Variants in HTT observed in about 807,000 individuals in gnomAD.
The protein encoded by HTT is huntington disease protein.
In HTT, 104 loss-of-function variants were observed where a neutral mutation model predicts 362.3. That is an observed-to-expected ratio of 0.29 (90% CI 0.24 to 0.34). HTT has a LOEUF of 0.34. HTT is among the 10% of genes least tolerant of loss of function. HTT has a pLI of 1.00. For missense variants in HTT, 3,301 were observed against 3,928.6 expected, an observed-to-expected ratio of 0.84 and a Z score of 4.27; for synonymous variants, 1,577 against 1,548.7, an observed-to-expected ratio of 1.02 and a Z score of -0.43.
chr4:3,227,001 A>C (rs533157014), intron 57 of HTT, among the ~76,000 whole-genome samples: 33 of 152,304 alleles, frequency 2.2e-4, no homozygotes, highest in Admixed American at 1.9e-3. Flanking sequence ...TTTTTCATGA[A>C]AGTGTTTCTG....
intron 52 of HTT, among the ~76,000 whole-genome samples, chr4:3,219,691 A>T (rs1003620733): frequency 2.6e-5 from 4 of 152,202 alleles, no homozygotes; most frequent in African/African-American, 9.6e-5. Flanking sequence ...GAACAGCATC[A>T]AGCCTGCCTC....
intron 26 of HTT, among the ~76,000 whole-genome samples, chr4:3,150,401 G>A (rs1256233623): frequency 6.6e-6 from 1 of 152,184 alleles, no homozygotes; most frequent in African/African-American, 2.4e-5. Context: ...CCTGTCTTCA[G>A]TGTCTAGATG....
rs554564238 is a variant in HTT at position 3,230,868 on chromosome 4, A to G, written c.8265+826A>G. On this transcript the variant is annotated intron_variant, in intron 60 of 66. Transcript: ENST00000355072. ...ACTGTGGCACTGCAAATTAGGTGTC[A>G]GTGTAGGAGTTTCAGGAGGGATAGA... Among the ~76,000 whole-genome samples, 4 of 152,314 alleles carry G rather than the reference A, an allele frequency of 2.6e-5. No individual in the cohort carries two copies. The East Asian group carries it at 7.7e-4, about 29-fold the overall frequency.
intron 35 of HTT, among the ~76,000 whole-genome samples, chr4:3,179,976 T>TA (rs1343661080): frequency 2.0e-5 from 3 of 152,188 alleles, no homozygotes; most frequent in African/African-American, 7.2e-5. Flanking sequence ...TATATTTTTT[T>TA]ATATGTGGTC....
chr4:3,197,998 C>T (rs1719337139), intron 40 of HTT, among the ~76,000 whole-genome samples: 2 of 152,122 alleles, frequency 1.3e-5, no homozygotes, highest in South Asian at 2.1e-4. Flanking sequence ...CAATGCTGAC[C>T]AGGAAGCAAG....
intron 21 of HTT, among the ~76,000 whole-genome samples, chr4:3,139,329 C>G (rs1716227413): frequency 6.6e-6 from 1 of 152,202 alleles, no homozygotes; most frequent in Non-Finnish European, 1.5e-5. Context: ...TCCCAAGTAG[C>G]TGGGATTACA....
chr4:3,149,382 C>T (rs529835982), intron 26 of HTT, among the ~76,000 whole-genome samples: 6 of 145,934 alleles, frequency 4.1e-5, no homozygotes, highest in Admixed American at 2.1e-4. Context: ...ACTGCAACTT[C>T]TGCCTCCTGG....
chr4:3,199,634 G>C, intron 40 of HTT, 98 bp from the exon 41 acceptor site: 1 of 1,045,710 alleles, frequency 9.6e-7, no homozygotes, highest in African/African-American at 1.6e-5. Flanking sequence ...TATGGGAGAC[G>C]ACTCAGCCTG....
intron 20 of HTT, 40 bp downstream of exon 20, chr4:3,136,007 A>T: frequency 7.3e-7 from 1 of 1,378,450 alleles, no homozygotes; most frequent in Non-Finnish European, 1.0e-6. Context: ...TTTACCTTCA[A>T]GAAGGTGAAA....
chr4:3,187,962 T>C (rs1435020717), intron 39 of HTT, 76 bp downstream of exon 39: 4 of 811,352 alleles, frequency 4.9e-6, no homozygotes, highest in Non-Finnish European at 4.0e-6. Context: ...TCAGTAAGTC[T>C]GGAATAATAC....
Position 3,235,744 on chromosome 4 carries a change from G to T in HTT, c.8751G>T (p.Ala2917=), listed in dbSNP as rs373215539. 2.7e-5 allele frequency: 43 copies of T among 1,611,186 alleles called. No homozygotes were observed. Among genetic ancestry groups the T allele is most frequent in the Non-Finnish European group, 3.0e-5 (35 of 1,179,976 alleles). ...TGCACAGCCCGCACCGGGCCATGGC[G>T]GCTCTGGGCCTGATGCTCACCTGCA... ...VNVHSPHRAM[A]ALGLMLTCMY... The change falls in exon 63 of 67, where the codon GCG becomes GCT. Residue 2917 remains alanine (A), a synonymous_variant. Coordinates refer to ENST00000355072, the MANE Select transcript of HTT (RefSeq NM_001388492.1).
At chr4:3,082,195 T>A (rs567056650) in intron 1 of HTT, among the ~76,000 whole-genome samples, 35 of 152,226 alleles carry the variant, frequency 2.3e-4, no homozygotes, top group Non-Finnish European at 4.7e-4. Context: ...CTATGTAATA[T>A]TTTAGAATTT....
chr4:3,225,749 T>C lies in HTT; in HGVS notation c.7848+6T>C. On this transcript the variant is annotated splice_donor_region_variant and intron_variant, in intron 57 of 66. Coordinates refer to ENST00000355072, the MANE Select transcript of HTT (RefSeq NM_001388492.1). ...TGAGCTACAAACTCGGCCAGGTCAG[T>C]CTCGCGCCCCCGCCGCCTGGCCTCT... The C allele has an allele frequency of 4.3e-6, 7 of 1,611,812 alleles. No individual in the cohort carries two copies. The highest frequency in any genetic ancestry group is 5.9e-6 in the Non-Finnish European group (7 of 1,178,690).
At chr4:3,207,657 A>C (rs902584648) in intron 45 of HTT, among the ~76,000 whole-genome samples, 1 of 152,208 alleles carries the variant, frequency 6.6e-6, no homozygotes, top group African/African-American at 2.4e-5. Flanking sequence ...GATGAGTGGG[A>C]AAATAGGTTA....
chr4:3,224,219 A>G, intron 56 of HTT, 88 bp downstream of exon 56: 1 of 1,388,872 alleles, frequency 7.2e-7, no homozygotes, highest in African/African-American at 1.4e-5. Flanking sequence ...GTGATGCGGG[A>G]AGACCTGAGT....
intron 26 of HTT, among the ~76,000 whole-genome samples, chr4:3,148,433 C>CT (rs1199486903): frequency 6.6e-6 from 1 of 152,186 alleles, no homozygotes; most frequent in Non-Finnish European, 1.5e-5. Flanking sequence ...AAGTGGATCA[C>CT]TTGAGGCCAA....
chr4:3,173,002 G>T lies in HTT; in HGVS notation c.4037G>T (p.Gly1346Val). ...TCACAAGGCCGAGCACAGCGCCTTGGCTCCTCCAGTGTGAGGCCAGGCTTG... is the reference window on the plus strand; with the variant it reads ...TCACAAGGCCGAGCACAGCGCCTTGTCTCCTCCAGTGTGAGGCCAGGCTTG... ...SKSQGRAQRL[G>V]SSSVRPGLYH... The change falls in exon 31 of 67, where the codon GGC (glycine) becomes GTC (valine). Residue 1346 changes from glycine (G) to valine (V), a missense_variant. This residue lies in a region of HTT where 2,316 missense variants were observed against 2,658.5 expected (regional missense o/e 0.87). Transcript: ENST00000355072. 1.2e-6 allele frequency: 2 copies of T among 1,614,160 alleles called. No homozygotes were observed. Among genetic ancestry groups the T allele is most frequent in the Non-Finnish European group, 1.7e-6 (2 of 1,180,034 alleles).
chr4:3,110,119 G>T (rs1000778924), intron 6 of HTT, among the ~76,000 whole-genome samples: 1 of 152,120 alleles, frequency 6.6e-6, no homozygotes, highest in East Asian at 1.9e-4. Flanking sequence ...TCAGACCCTG[G>T]TTCCTTTCAG....
chr4:3,143,124 G>A (rs1716426487), intron 23 of HTT, among the ~76,000 whole-genome samples: 1 of 152,064 alleles, frequency 6.6e-6, no homozygotes, highest in African/African-American at 2.4e-5. Context: ...AAAAAATTCA[G>A]CCAATTTAGG....
Sources: gnomAD v4.1 joint callset for allele counts (sites outside exome capture counted in the v4.1 genomes callset) on GRCh38, gnomAD v4.1.1 for gene constraint, gnomAD v4.1.1 regional missense constraint, MANE v1.5 for transcripts, NCBI Gene and HGNC (gene_info 2026-07-23, HGNC 2026-07-21) for gene names.